Variants in NEK5 observed in about 807,000 individuals in gnomAD.
NEK5 encodes the protein serine/threonine-protein kinase Nek5.
NEK5 carries 88 observed loss-of-function variants against 109.2 expected under a neutral mutation model. That is an observed-to-expected ratio of 0.81 (90% CI 0.68 to 0.96). The LOEUF is 0.96. Among genes scored for constraint, NEK5 ranks in the 40% least tolerant of loss-of-function variants. The pLI is 0.00. For synonymous variants in NEK5, 283 were observed against 299.9 expected (o/e 0.94, Z 0.58); for missense variants, 834 against 920.7 (o/e 0.91, Z 1.22).
chr13:52,112,148 C>T (rs1955770654), intron 5 of NEK5, 120 bp downstream of exon 5: 1 of 491,132 alleles, frequency 2.0e-6, no homozygotes, highest in South Asian at 4.7e-5. Flanking sequence ...TTTATGGTTT[C>T]AATCTGTCTA....
chr13:52,079,872 C>T (rs541283210), intron 17 of NEK5, among the ~76,000 whole-genome samples: 2,739 of 151,618 alleles, frequency 0.018, 6 homozygotes, highest in Non-Finnish European at 0.027. Context: ...TCTGCCCGGC[C>T]GCCCATCGTC....
chr13:52,044,685 A>G (rs78101224), intron 23 of NEK5, among the ~76,000 whole-genome samples: 82 of 152,314 alleles, frequency 5.4e-4, no homozygotes, highest in African/African-American at 1.9e-3. Flanking sequence ...CAAGATAGAG[A>G]AGGGCTTATA....
chr13:52,066,498 C>T (rs1396375494), intron 20 of NEK5, among the ~76,000 whole-genome samples: 1 of 151,476 alleles, frequency 6.6e-6, no homozygotes, highest in Non-Finnish European at 1.5e-5. Context: ...ACAGATAGCT[C>T]TTCCCTGTTC....
chr13:52,072,327 G>A (rs1044398714), intron 19 of NEK5, among the ~76,000 whole-genome samples: 14 of 152,198 alleles, frequency 9.2e-5, no homozygotes, highest in Non-Finnish European at 1.8e-4. Context: ...TAGACTTTCT[G>A]ACTTCAATAG....
chr13:52,104,639 C>T (rs902187368), intron 8 of NEK5, 87 bp from the exon 9 acceptor site: 19 of 881,846 alleles, frequency 2.2e-5, no homozygotes, highest in South Asian at 7.0e-5. Flanking sequence ...AAATTTGTGT[C>T]GCTTTACAAT....
At position 52,033,940 on chromosome 13, in the gene NEK5, C is replaced by CT. The variant is rs1954332694; in HGVS notation, c.*3007_*3008insA. 1 of 152,180 alleles carries CT rather than the reference C, an allele frequency of 6.6e-6. No individual in the cohort carries two copies. Among genetic ancestry groups the CT allele is most frequent in the Admixed American group, 6.6e-5 (1 of 15,244 alleles). The allele number at this position is 152,180 out of a possible 1,614,324, so 9.4% of individuals were successfully genotyped here. A position where few individuals can be genotyped will look rare whatever the true frequency, so the allele number is the denominator to read the frequency against. ...CAAATTATGTCCTGTAATTTACCCC[C>CT]CTCCCCGCTGCTCCTCTGCTAACTC... On this transcript the variant is annotated 3_prime_UTR_variant, in exon 24 of 24. Transcript: ENST00000684899.
At chr13:52,086,402 T>C (rs780172101) in intron 15 of NEK5, 39 bp from the exon 16 acceptor site, 1 of 1,184,718 alleles carries the variant, frequency 8.4e-7, no homozygotes, top group South Asian at 1.2e-5. Flanking sequence ...TAAATGTTTA[T>C]GAACACCATA....
At chr13:52,085,235 G>A (rs556464448) in intron 16 of NEK5, among the ~76,000 whole-genome samples, 1 of 152,134 alleles carries the variant, frequency 6.6e-6, no homozygotes, top group South Asian at 2.1e-4. Context: ...AAGCTCTCTT[G>A]CCTGCCTTCA....
intron 8 of NEK5, among the ~76,000 whole-genome samples, chr13:52,107,564 C>T (rs777408079): frequency 1.3e-5 from 2 of 151,352 alleles, no homozygotes; most frequent in Non-Finnish European, 2.9e-5. Flanking sequence ...TGCACTCTAG[C>T]CTGGGTGACA....
rs138340585 is a variant in NEK5, at chr13:52,065,552, G to T, written c.1907C>A (p.Ala636Glu). ...CATCATCTGCAGCAGAGTCTGAGGC[G>T]CTCCTCCATCCCACTGCCTCCTGTT... ...VGNRRQWDGG[A>E]PQTLLQMMAV... Residue 636 changes from alanine (A) to glutamate (E), a missense_variant, in exon 21 of 24, where the codon GCG (alanine) becomes GAG (glutamate). Transcript: ENST00000684899. The T allele has an allele frequency of 1.2e-6, 2 of 1,613,954 alleles. No individual in the cohort carries two copies. Among genetic ancestry groups the T allele is most frequent in the Middle Eastern group, 3.3e-4 (2 of 6,062 alleles).
chr13:52,101,982 T>G lies in NEK5; in HGVS notation c.843A>C (p.Ile281=). 1 of 1,614,174 alleles carries G rather than the reference T, an allele frequency of 6.2e-7. No homozygotes were observed. The highest frequency in any genetic ancestry group is 8.5e-7 in the Non-Finnish European group (1 of 1,180,030). ...GAGAAGCTGGCGCTCCTGCTCTGCA[T>G]ATAAGCATGTGACTGAATTCTTCCT... ...VIQEEFSHML[I]CRAGAPASRH... The change falls in exon 11 of 24, where the codon ATA becomes ATC. Residue 281 remains isoleucine (I), a synonymous_variant. Coordinates refer to ENST00000684899, the MANE Select transcript of NEK5 (RefSeq NM_001365552.1).
chr13:52,039,381 A>G (rs1210224796), intron 23 of NEK5, among the ~76,000 whole-genome samples: 1 of 152,196 alleles, frequency 6.6e-6, no homozygotes, highest in African/African-American at 2.4e-5. Flanking sequence ...TGGGTGGACC[A>G]GTAAGTGCAA....
intron 23 of NEK5, among the ~76,000 whole-genome samples, chr13:52,049,390 C>T (rs1006653452): frequency 1.3e-5 from 2 of 152,100 alleles, no homozygotes; most frequent in Non-Finnish European, 2.9e-5. Flanking sequence ...CGCCTCCACA[C>T]TCCAGCCTGG....
intron 22 of NEK5, among the ~76,000 whole-genome samples, chr13:52,058,650 A>G (rs983687014): frequency 1.3e-5 from 2 of 152,008 alleles, no homozygotes; most frequent in East Asian, 1.9e-4. Flanking sequence ...ATAACGCCAC[A>G]TATCTACAAC....
intron 16 of NEK5, among the ~76,000 whole-genome samples, chr13:52,084,709 AAGAG>A (rs879660846): frequency 0.012 from 1,133 of 93,762 alleles, 14 homozygotes; most frequent in African/African-American, 0.027. Context: ...GGCTAATTTA[AAGAG>A]AGAGAGAGAG....
chr13:52,034,428 G>GTGACTA lies in NEK5; in HGVS notation c.*2514_*2519dup, dbSNP rs1322322490. On this transcript the variant is annotated 3_prime_UTR_variant, in exon 24 of 24. Coordinates refer to ENST00000684899, the MANE Select transcript of NEK5 (RefSeq NM_001365552.1). Reference sequence around the variant, plus strand: ...ATTCAAAATTGTTGAGTAAAGCTTGGTGACTATTACCTAAAATAGACTAGA... The same window carrying GTGACTA: ...ATTCAAAATTGTTGAGTAAAGCTTGGTGACTATGACTATTACCTAAAATAGACTAGA... 6.6e-6 allele frequency: 1 copy of GTGACTA among 151,550 alleles called. No homozygotes were observed. The highest frequency in any genetic ancestry group is 1.5e-5 in the Non-Finnish European group (1 of 67,976). 9.4% of individuals were successfully genotyped at this position (151,550 alleles called of 1,614,324 possible).
chr13:52,083,439 T>C, intron 16 of NEK5, 87 bp from the exon 17 acceptor site: 1 of 783,286 alleles, frequency 1.3e-6, no homozygotes, highest in South Asian at 1.4e-5. Context: ...AATGATGAAA[T>C]GGCTGGACAG....
At chr13:52,082,502 T>A (rs1222138569) in intron 17 of NEK5, among the ~76,000 whole-genome samples, 1 of 152,194 alleles carries the variant, frequency 6.6e-6, no homozygotes, top group Non-Finnish European at 1.5e-5. Context: ...TTTCACAGGT[T>A]TAATAATTCT....
intron 23 of NEK5, among the ~76,000 whole-genome samples, chr13:52,045,659 G>A (rs1954451765): frequency 6.7e-6 from 1 of 150,110 alleles, no homozygotes; most frequent in Non-Finnish European, 1.5e-5. Context: ...CAGCTACTCG[G>A]GAGGCTGAGG....
Sources: allele counts gnomAD v4.1 joint callset (sites outside exome capture counted in the v4.1 genomes callset), GRCh38; gene constraint gnomAD v4.1.1; transcripts MANE v1.5; gene names NCBI Gene and HGNC (gene_info 2026-07-23, HGNC 2026-07-21).